Variants in NFATC1 observed in about 807,000 individuals in gnomAD.
NFATC1 encodes nuclear factor of activated T-cells, cytoplasmic 1.
NFATC1 carries 22 observed loss-of-function variants against 76.0 expected under a neutral mutation model. The observed-to-expected ratio is 0.29, with a 90% CI of 0.21 to 0.41. The LOEUF is 0.41. NFATC1 is among the 10% of genes least tolerant of loss of function. The probability of loss-of-function intolerance (pLI) is 1.00; values close to 1 mark genes in which losing one functional copy is unlikely to be tolerated. For synonymous variants in NFATC1, 704 were observed against 613.1 expected (o/e 1.15, Z -2.19); for missense variants, 1,357 against 1,337.7 (o/e 1.01, Z -0.23).
At chr18:79,423,964 T>G (rs1380702281) in intron 2 of NFATC1, among the ~76,000 whole-genome samples, 3 of 152,104 alleles carry the variant, frequency 2.0e-5, no homozygotes, top group Non-Finnish European at 4.4e-5. Flanking sequence ...GGGACAGCAG[T>G]GGTCCCAGGC....
chr18:79,433,495 A>G, intron 2 of NFATC1, 84 bp from the exon 3 acceptor site: 3 of 1,527,568 alleles, frequency 2.0e-6, no homozygotes, highest in African/African-American at 1.4e-5. Context: ...TCCACCCAAG[A>G]TGGCGACGGG....
chr18:79,452,490 C>A (rs1446290007), intron 6 of NFATC1, among the ~76,000 whole-genome samples: 2 of 152,214 alleles, frequency 1.3e-5, no homozygotes, highest in Non-Finnish European at 2.9e-5. Context: ...GGAGACTGTC[C>A]TGCGGGGATT....
At chr18:79,433,813 CTG>C in intron 3 of NFATC1, 75 bp downstream of exon 3, 2 of 1,544,632 alleles carry the variant, frequency 1.3e-6, no homozygotes, top group East Asian at 2.3e-5. Flanking sequence ...CCACAGCTAA[CTG>C]TGCTTAGACT....
At chr18:79,494,935 C>G (rs1268186534) in intron 9 of NFATC1, among the ~76,000 whole-genome samples, 2 of 150,626 alleles carry the variant, frequency 1.3e-5, no homozygotes, top group Admixed American at 1.3e-4. Flanking sequence ...GCACACGCCC[C>G]CCATCAACCT....
intron 2 of NFATC1, among the ~76,000 whole-genome samples, chr18:79,424,761 TTCTCTGTCTCTCTCTGTC>T: frequency 7.2e-6 from 1 of 139,232 alleles, no homozygotes; most frequent in Non-Finnish European, 1.6e-5. Context: ...CTGTCTCTGT[TTCTCTGTCTCTCTCTGTC>T]TCTCTGTCTC....
chr18:79,471,396 A>T (rs577487591), intron 8 of NFATC1, among the ~76,000 whole-genome samples: 1 of 152,184 alleles, frequency 6.6e-6, no homozygotes, highest in Non-Finnish European at 1.5e-5. Flanking sequence ...GGCTGCGGGC[A>T]CTTTGGAGAA....
chr18:79,467,476 A>G lies in NFATC1; in HGVS notation c.1986A>G (p.Pro662=), dbSNP rs25656. The G allele has an allele frequency of 0.33, 523,135 of 1,602,740 alleles. 89,656 individuals carry two copies. The highest frequency in any genetic ancestry group is 0.61 in the African/African-American group (44,805 of 73,120). ...ATTCTCTGGTGGTTGAGATCCCGCC[A>G]TTTCGGAATCAGAGGATAACCAGCC... The part of the protein sequence containing the change: ...KPNSLVVEIP[P]FRNQRITSPV... The change falls in exon 8 of 10, where the codon CCA becomes CCG. Residue 662 remains proline, a synonymous_variant. Coordinates refer to ENST00000427363, the MANE Select transcript of NFATC1 (RefSeq NM_001278669.2).
chr18:79,473,109 G>A (rs76375112), intron 8 of NFATC1, among the ~76,000 whole-genome samples: 5,828 of 152,350 alleles, frequency 0.038, 158 homozygotes, highest in South Asian at 0.12. Flanking sequence ...CAGACAGAGC[G>A]GATGATGCTG....
At chr18:79,400,684 G>T (rs1310819070) in intron 1 of NFATC1, among the ~76,000 whole-genome samples, 177 of 61,024 alleles carry the variant, frequency 2.9e-3, no homozygotes, top group African/African-American at 7.2e-3. Flanking sequence ...GCGGGGTCCT[G>T]GGGGAAGAGC....
intron 3 of NFATC1, among the ~76,000 whole-genome samples, chr18:79,437,842 C>T (rs535145205): frequency 7.9e-5 from 12 of 152,350 alleles, no homozygotes; most frequent in African/African-American, 2.9e-4. Flanking sequence ...CTCCTTGTCT[C>T]ACCTCCTCAT....
intron 2 of NFATC1, chr18:79,421,082 G>C (rs1298553803): frequency 6.6e-6 from 1 of 152,304 alleles, no homozygotes; most frequent in African/African-American, 2.4e-5. Flanking sequence ...TAGTTTATGG[G>C]AGGAGTGTTT....
chr18:79,419,526 A>G (rs1320175458), intron 2 of NFATC1, among the ~76,000 whole-genome samples: 3 of 143,242 alleles, frequency 2.1e-5, no homozygotes, highest in Non-Finnish European at 3.1e-5. Context: ...CCCCCCTAGG[A>G]GGGCCGGCAC....
At chr18:79,492,100 AAG>A (rs2145091547) in intron 9 of NFATC1, among the ~76,000 whole-genome samples, 1 of 152,320 alleles carries the variant, frequency 6.6e-6, no homozygotes, top group Admixed American at 6.5e-5. Flanking sequence ...AAAAGGCAAT[AAG>A]AGAATAGTGT....
At chr18:79,400,607 G>A (rs970284184) in intron 1 of NFATC1, 12 of 790,544 alleles carry the variant, frequency 1.5e-5, no homozygotes, top group African/African-American at 1.5e-4. Flanking sequence ...GGACCGAGGG[G>A]CTACGGCGGG....
At chr18:79,500,600 G>GA (rs1208624843) in intron 9 of NFATC1, among the ~76,000 whole-genome samples, 1 of 151,990 alleles carries the variant, frequency 6.6e-6, no homozygotes. Flanking sequence ...TTAGTTATTT[G>GA]AAAAAACAAC....
chr18:79,474,182 C>CGTT (rs1491412827), intron 8 of NFATC1, among the ~76,000 whole-genome samples: 6 of 99,534 alleles, frequency 6.0e-5, no homozygotes, highest in Middle Eastern at 8.8e-3. Flanking sequence ...TCGCTGTCGA[C>CGTT]GTAAACCTGA....
intron 8 of NFATC1, among the ~76,000 whole-genome samples, chr18:79,471,366 C>T (rs115994126): frequency 0.01 from 1,550 of 152,098 alleles, 31 homozygotes; most frequent in African/African-American, 0.036. Context: ...CAGGCAGGGC[C>T]GGGAATCTGT....
rs765406678 is a variant in NFATC1 at position 79,411,148 on chromosome 18, G to T, written c.873G>T (p.Pro291=). 6.2e-7 allele frequency: 1 copy of T among 1,612,360 alleles called. No individual in the cohort carries two copies. Among genetic ancestry groups the T allele is most frequent in the Admixed American group, 1.7e-5 (1 of 60,010 alleles). ...CCACGCCGTCCCCGCACGGCTCCCC[G>T]CGGGTCAGCGTGACCGACGACTCGT... is the stretch of plus-strand genomic sequence containing the variant. ...HSPTPSPHGS[P]RVSVTDDSWL... Residue 291 remains proline (P), a synonymous_variant, in exon 2 of 10, where the codon CCG becomes CCT. Transcript: ENST00000427363.
intron 6 of NFATC1, among the ~76,000 whole-genome samples, chr18:79,454,486 C>T (rs983611664): frequency 9.2e-5 from 14 of 152,278 alleles, no homozygotes; most frequent in African/African-American, 2.9e-4. Flanking sequence ...GGCTGCATTG[C>T]GGGGAGCCGG....
Sources: gnomAD v4.1 joint callset for allele counts (sites outside exome capture counted in the v4.1 genomes callset) on GRCh38, gnomAD v4.1.1 for gene constraint, MANE v1.5 for transcripts, NCBI Gene and HGNC (gene_info 2026-07-23, HGNC 2026-07-21) for gene names.